Variants in ADGRB2 observed in about 807,000 individuals in gnomAD.
ADGRB2 encodes adhesion G protein-coupled receptor B2.
ADGRB2 carries 47 observed loss-of-function variants against 178.7 expected under a neutral mutation model. The observed-to-expected ratio is 0.26, with a 90% confidence interval of 0.21 to 0.34. The LOEUF is 0.34. Ranked by LOEUF, ADGRB2 falls within the 10% of genes least tolerant of loss-of-function variation. ADGRB2 has a pLI of 1.00. For missense variants in ADGRB2, 1,584 were observed against 2,180.8 expected (o/e 0.73, Z 5.45); for synonymous variants, 870 against 912.4 (o/e 0.95, Z 0.84).
At position 31,733,786 on chromosome 1, in the gene ADGRB2, C is replaced by T; in HGVS notation, c.3453-643G>A. Among the ~76,000 whole-genome samples the T allele has an allele frequency of 6.6e-6, 1 of 152,074 alleles. No homozygotes were observed. The highest frequency in any genetic ancestry group is 1.5e-5 in the Non-Finnish European group (1 of 68,012). ...CAGAGCTGGGGCTAAAAGCTGGGGT[C>T]GGGCCAGGCCTACACCTCCCTGGCC... is the stretch of plus-strand genomic sequence containing the variant. On this transcript the variant is annotated intron_variant, in intron 25 of 32. Coordinates refer to ENST00000373658, the MANE Select transcript of ADGRB2 (RefSeq NM_001364857.2). The surrounding 1 kb of genome is among the most constrained non-coding windows in gnomAD (Gnocchi z 4.3).
intron 29 of ADGRB2, among the ~76,000 whole-genome samples, chr1:31,729,803 G>A (rs975202317): frequency 2.0e-5 from 3 of 152,206 alleles, no homozygotes; most frequent in Non-Finnish European, 4.4e-5. Flanking sequence ...AACAAAACCC[G>A]CCATGACGCC....
At position 31,736,401 on chromosome 1, in the gene ADGRB2, AG is replaced by A; in HGVS notation, c.3131-12del. ...CCAGGGCAGGCAGACCTGGGGGAGC[AG>A]GGGTGCCAGAGTGAGATGGTTGCTG... On this transcript the variant is annotated splice_polypyrimidine_tract_variant and intron_variant, in intron 21 of 32. Transcript: ENST00000373658. 6.2e-7 allele frequency: 1 copy of A among 1,613,748 alleles called. No homozygotes were observed. The highest frequency in any genetic ancestry group is 8.5e-7 in the Non-Finnish European group (1 of 1,179,880).
chr1:31,764,212 C>T lies in ADGRB2; in HGVS notation c.-519G>A, dbSNP rs1647137124. 1 of 242,082 alleles carries T rather than the reference C, an allele frequency of 4.1e-6. No homozygotes were observed. The highest frequency in any genetic ancestry group is 6.4e-6 in the Non-Finnish European group (1 of 155,260). The allele number at this position is 242,082 out of a possible 1,614,324, so 15.0% of individuals were successfully genotyped here. A position where few individuals can be genotyped will look rare whatever the true frequency, so the allele number is the denominator to read the frequency against. On this transcript the variant is annotated 5_prime_UTR_variant, in exon 1 of 33. Coordinates refer to ENST00000373658, the MANE Select transcript of ADGRB2 (RefSeq NM_001364857.2). This position sits in a 1 kb window ranked among gnomAD's most constrained non-coding sequence, Gnocchi z 7.3. ...CGCGCCGCCTCCTATTTGCGGGCGG[C>T]GGCCGCAGCCCCGGGCTCTGAGAGC...
rs562396871 is a variant in ADGRB2 at position 31,755,495 on chromosome 1, C to T, written c.838+504G>A. On this transcript the variant is annotated intron_variant, in intron 4 of 32. Transcript: ENST00000373658. The surrounding 1 kb of genome is among the most constrained non-coding windows in gnomAD (Gnocchi z 5.1). ...CTTCCTTGCCTCTCTCTGCCCTGAC[C>T]CCGGGGCAACTGCCAAAACTCACTG... is the stretch of plus-strand genomic sequence containing the variant. Among the ~76,000 whole-genome samples, 3 of 152,098 alleles carry T rather than the reference C, an allele frequency of 2.0e-5. No individual in the cohort carries two copies. Among genetic ancestry groups the T allele is most frequent in the Non-Finnish European group, 4.4e-5 (3 of 68,028 alleles).
intron 6 of ADGRB2, among the ~76,000 whole-genome samples, chr1:31,743,898 T>C (rs1438859517): frequency 6.6e-6 from 1 of 152,198 alleles, no homozygotes; most frequent in African/African-American, 2.4e-5. Context: ...AAGCTACTGA[T>C]ATGGCCAGAG....
intron 22 of ADGRB2, 102 bp downstream of exon 22, chr1:31,736,219 A>C: frequency 7.1e-7 from 1 of 1,402,652 alleles, no homozygotes; most frequent in South Asian, 1.3e-5. Flanking sequence ...AACTTGCCCA[A>C]AGACCCAAAA....
chr1:31,746,348 C>T, intron 4 of ADGRB2, among the ~76,000 whole-genome samples: 1 of 152,142 alleles, frequency 6.6e-6, no homozygotes, highest in East Asian at 1.9e-4. Flanking sequence ...CTCTGAATAG[C>T]ATCTGCAGTT....
chr1:31,744,034 G>A lies in ADGRB2; in HGVS notation c.1087+159C>T, dbSNP rs538708611. Among the ~76,000 whole-genome samples the A allele has an allele frequency of 2.6e-4, 39 of 152,188 alleles. 1 individual carries two copies. Among genetic ancestry groups the A allele is most frequent in the Non-Finnish European group, 5.0e-4 (34 of 68,014 alleles). ...ATCTGTGCCCCCAGTGCCCTGCACC[G>A]GGCTGGCATGGTACGCAGAGTTGGG... On this transcript the variant is annotated intron_variant, in intron 6 of 32. Transcript: ENST00000373658. This position sits in a 1 kb window ranked among gnomAD's most constrained non-coding sequence, Gnocchi z 6.7.
rs753504850 is a variant in ADGRB2 at position 31,727,987 on chromosome 1, C to T, written c.4572+38G>A. 73 of 1,528,690 alleles carry T rather than the reference C, an allele frequency of 4.8e-5. 2 individuals are homozygous for T. In the South Asian group the frequency reaches 5.3e-4, roughly 11 times the overall value. 94.7% of individuals were successfully genotyped at this position (1,528,690 alleles called of 1,614,324 possible). On this transcript the variant is annotated intron_variant, in intron 32 of 32. Coordinates refer to ENST00000373658, the MANE Select transcript of ADGRB2 (RefSeq NM_001364857.2). The surrounding 1 kb of genome is among the most constrained non-coding windows in gnomAD (Gnocchi z 4.4). ...GAGGGCAGGGAGGGCACGGGTCCCT[C>T]AGGCCCACCTCACCCCACCCAGCCC...
In ADGRB2 at chr1:31,741,602, G is replaced by A. The variant is rs758374732; in HGVS notation, c.1687+22C>T. The A allele has an allele frequency of 6.2e-7, 1 of 1,610,448 alleles. No homozygotes were observed. Among genetic ancestry groups the A allele is most frequent in the South Asian group, 1.1e-5 (1 of 90,614 alleles). The stretch of plus-strand genomic sequence containing the variant: ...GAGAATGGCAGGGGTGGTGGTGGTG[G>A]GGAAAGCCACCTGCCCCTTACCTGA... On this transcript the variant is annotated intron_variant, in intron 10 of 32. Transcript: ENST00000373658. This position sits in a 1 kb window ranked among gnomAD's most constrained non-coding sequence, Gnocchi z 6.5.
intron 27 of ADGRB2, among the ~76,000 whole-genome samples, 161 bp from the exon 28 acceptor site, chr1:31,732,315 C>T (rs1569762374): frequency 6.6e-6 from 1 of 152,386 alleles, no homozygotes; most frequent in South Asian, 2.1e-4. Flanking sequence ...CATGGCCTAC[C>T]CCAGCCCACC....
rs370242227 is a variant in ADGRB2 at position 31,733,630 on chromosome 1, C to T, written c.3453-487G>A. ...ACAGAAAGATTAAACAGGCAGAGCA[C>T]GCGGGGGACATCCAGAGCACGAATC... On this transcript the variant is annotated intron_variant, in intron 25 of 32. Transcript: ENST00000373658. This position sits in a 1 kb window ranked among gnomAD's most constrained non-coding sequence, Gnocchi z 4.3. Among the ~76,000 whole-genome samples, 127 of 152,244 alleles carry T rather than the reference C, an allele frequency of 8.3e-4. 1 individual carries two copies. In the South Asian group the frequency reaches 0.025, roughly 30 times the overall value.
chr1:31,727,896 A>G lies in ADGRB2; in HGVS notation c.4572+129T>C. 7.8e-7 allele frequency: 1 copy of G among 1,274,638 alleles called. No homozygotes were observed. The highest frequency in any genetic ancestry group is 1.1e-6 in the Non-Finnish European group (1 of 945,136). 79.0% of individuals were successfully genotyped at this position (1,274,638 alleles called of 1,614,324 possible). A position where few individuals can be genotyped will look rare whatever the true frequency, so the allele number is the denominator to read the frequency against. On this transcript the variant is annotated intron_variant, in intron 32 of 32. Coordinates refer to ENST00000373658, the MANE Select transcript of ADGRB2 (RefSeq NM_001364857.2). This position sits in a 1 kb window ranked among gnomAD's most constrained non-coding sequence, Gnocchi z 4.4. ...ACCTTCCCCACCCCCAGGCGGCCCC[A>G]GACTGTTGCCCATGCCGTGGGGGAG...
chr1:31,764,087 C>T lies in ADGRB2; in HGVS notation c.-394G>A. ...GCGCGGGGCGGGCGGGCGGGCGGCG[C>T]CGGGCCGGGCGCGGGCTCCTGCCGC... On this transcript the variant is annotated 5_prime_UTR_variant, in exon 1 of 33. Transcript: ENST00000373658. The surrounding 1 kb of genome is among the most constrained non-coding windows in gnomAD (Gnocchi z 7.3). 1.0e-6 allele frequency: 1 copy of T among 965,664 alleles called. No individual in the cohort carries two copies. Among genetic ancestry groups the T allele is most frequent in the Non-Finnish European group, 1.2e-6 (1 of 815,848 alleles). 59.8% of individuals were successfully genotyped at this position (965,664 alleles called of 1,614,324 possible).
chr1:31,727,396 G>A lies in ADGRB2; in HGVS notation c.*24C>T, dbSNP rs1205571002. 6.4e-7 allele frequency: 1 copy of A among 1,573,282 alleles called. No homozygotes were observed. The highest frequency in any genetic ancestry group is 2.4e-5 in the East Asian group (1 of 42,244). On this transcript the variant is annotated 3_prime_UTR_variant, in exon 33 of 33. Transcript: ENST00000373658. This position sits in a 1 kb window ranked among gnomAD's most constrained non-coding sequence, Gnocchi z 4.4. ...AATAGAGAGATATATATATTTATAT[G>A]CAGTGGGCAGTCCAGCGTGGCACTC... is the stretch of plus-strand genomic sequence containing the variant.
intron 4 of ADGRB2, among the ~76,000 whole-genome samples, chr1:31,746,965 C>T (rs1288128938): frequency 6.6e-6 from 1 of 152,238 alleles, no homozygotes; most frequent in Admixed American, 6.5e-5. Context: ...TGGTTTTTCA[C>T]CTGACACTCA....
chr1:31,753,472 G>C lies in ADGRB2; in HGVS notation c.838+2527C>G, dbSNP rs1646682337. ...TCCGGTACCAGCCCAAGCCCACCCT[G>C]CTAGGCCTCACTGTGGATCTTCCTC... is the stretch of plus-strand genomic sequence containing the variant. On this transcript the variant is annotated intron_variant, in intron 4 of 32. Transcript: ENST00000373658. The surrounding 1 kb of genome is among the most constrained non-coding windows in gnomAD (Gnocchi z 4.1). 6.6e-6 allele frequency among the ~76,000 whole-genome samples: 1 copy of C among 152,178 alleles called. No individual in the cohort carries two copies. The highest frequency in any genetic ancestry group is 1.5e-5 in the Non-Finnish European group (1 of 68,012).
chr1:31,738,525 C>T, intron 17 of ADGRB2, 62 bp downstream of exon 17: 1 of 1,564,426 alleles, frequency 6.4e-7, no homozygotes, highest in Non-Finnish European at 8.7e-7. Context: ...GCAGGAGACC[C>T]CTTTCTGGCA....
At chr1:31,732,180 T>C (rs1168598398) in intron 27 of ADGRB2, 26 bp from the exon 28 acceptor site, 2 of 1,613,798 alleles carry the variant, frequency 1.2e-6, no homozygotes, top group Non-Finnish European at 1.7e-6. Flanking sequence ...GAGGGGCAGG[T>C]GGGCAGAGGG....
Sources: allele counts gnomAD v4.1 joint callset (sites outside exome capture counted in the v4.1 genomes callset), GRCh38; gene constraint gnomAD v4.1.1; non-coding constraint Gnocchi (gnomAD v3.1); transcripts MANE v1.5; gene names NCBI Gene and HGNC (gene_info 2026-07-23, HGNC 2026-07-21).